Variants in GRK5 observed in about 807,000 individuals in gnomAD.
GRK5 encodes the protein g protein-coupled receptor kinase GRK5.
Under a neutral mutation model 78.4 loss-of-function variants are expected in GRK5, and 40 were observed. The observed-to-expected ratio is 0.51, with a 90% CI of 0.40 to 0.66. The LOEUF is 0.66. GRK5 is among the 30% of genes least tolerant of loss of function. The probability of loss-of-function intolerance (pLI) is 0.00; values close to 1 mark genes in which losing one functional copy is unlikely to be tolerated. For missense variants in GRK5, 598 were observed against 759.9 expected, an observed-to-expected ratio of 0.79 and a Z score of 2.50; for synonymous variants, 289 against 296.8, an observed-to-expected ratio of 0.97 and a Z score of 0.27.
At chr10:119,337,009 G>T (rs1850901204) in intron 2 of GRK5, among the ~76,000 whole-genome samples, 1 of 152,164 alleles carries the variant, frequency 6.6e-6, no homozygotes, top group Admixed American at 6.5e-5. Flanking sequence ...CTGTCCGTGG[G>T]TTTCTTGTTT....
chr10:119,398,402 G>A (rs1360163417), intron 4 of GRK5, among the ~76,000 whole-genome samples: 14 of 1,424 alleles, frequency 9.8e-3, no homozygotes, highest in Admixed American at 0.035. Flanking sequence ...GATGATTCGC[G>A]TATCCACGAG....
At chr10:119,317,236 TCCA>T (rs1291638853) in intron 1 of GRK5, among the ~76,000 whole-genome samples, 1 of 152,072 alleles carries the variant, frequency 6.6e-6, no homozygotes, top group Non-Finnish European at 1.5e-5. Flanking sequence ...GCACGGCAGG[TCCA>T]CTGCGGATCC....
At chr10:119,228,689 T>C (rs892541035) in intron 1 of GRK5, among the ~76,000 whole-genome samples, 2 of 152,010 alleles carry the variant, frequency 1.3e-5, no homozygotes, top group Non-Finnish European at 2.9e-5. Context: ...CATAACATAG[T>C]GAGCAGGGGT....
chr10:119,245,118 A>G (rs892839609), intron 1 of GRK5, among the ~76,000 whole-genome samples: 1 of 152,174 alleles, frequency 6.6e-6, no homozygotes, highest in Non-Finnish European at 1.5e-5. Flanking sequence ...TCTACTAAAA[A>G]TACAAAAAAA....
chr10:119,311,947 A>C (rs1589736988), intron 1 of GRK5, among the ~76,000 whole-genome samples: 4 of 130,108 alleles, frequency 3.1e-5, no homozygotes, highest in Non-Finnish European at 3.1e-5. Flanking sequence ...ACGGAGTCTC[A>C]CTCTGTCGCC....
chr10:119,324,866 G>A (rs1850647082), intron 1 of GRK5, among the ~76,000 whole-genome samples: 1 of 152,260 alleles, frequency 6.6e-6, no homozygotes, highest in Non-Finnish European at 1.5e-5. Flanking sequence ...TAATGTACAG[G>A]TGGAGCCTCA....
At position 119,207,673 on chromosome 10, in the gene GRK5, GA is replaced by G; in HGVS notation, c.-244del. ...GGGGGTGGGGGGGAGCGTGTTGAGG[GA>G]GGGGGGAGGGGGGACACAGAGGGAG... is the stretch of plus-strand genomic sequence containing the variant. On this transcript the variant is annotated 5_prime_UTR_variant, in exon 1 of 16. Coordinates refer to ENST00000392870, the MANE Select transcript of GRK5 (RefSeq NM_005308.3). The G allele has an allele frequency of 4.9e-6, 2 of 412,076 alleles. No homozygotes were observed. Among genetic ancestry groups the G allele is most frequent in the Non-Finnish European group, 8.3e-6 (2 of 241,688 alleles). 25.5% of individuals were successfully genotyped at this position (412,076 alleles called of 1,614,324 possible).
At chr10:119,285,376 C>T (rs1182763290) in intron 1 of GRK5, among the ~76,000 whole-genome samples, 2 of 152,300 alleles carry the variant, frequency 1.3e-5, no homozygotes, top group African/African-American at 2.4e-5. Context: ...GGGCCAGGCT[C>T]CCCAAGGCTC....
chr10:119,454,206 G>T (rs1853354409), intron 15 of GRK5, among the ~76,000 whole-genome samples: 1 of 152,182 alleles, frequency 6.6e-6, no homozygotes, highest in Admixed American at 6.5e-5. Flanking sequence ...CTCCCCTGAT[G>T]GCCAGGCATG....
chr10:119,426,844 TCAC>T (rs1445673417), intron 6 of GRK5, among the ~76,000 whole-genome samples: 1 of 151,504 alleles, frequency 6.6e-6, no homozygotes, highest in African/African-American at 2.4e-5. Flanking sequence ...ATCATCAGCA[TCAC>T]CACCATCATC....
At chr10:119,361,162 C>T (rs1021045845) in intron 2 of GRK5, among the ~76,000 whole-genome samples, 1 of 152,232 alleles carries the variant, frequency 6.6e-6, no homozygotes. Flanking sequence ...TTCTGTCCAG[C>T]AGGACCGGGC....
chr10:119,313,124 GAT>G (rs1363809889), intron 1 of GRK5, among the ~76,000 whole-genome samples: 47 of 145,524 alleles, frequency 3.2e-4, no homozygotes, highest in Non-Finnish European at 6.0e-4. Flanking sequence ...TGGTGATGGT[GAT>G]GATGGTAATG....
Position 119,271,219 on chromosome 10 carries a change from C to T in GRK5, c.53-55297C>T, listed in dbSNP as rs78670212. On this transcript the variant is annotated intron_variant, in intron 1 of 15. Coordinates refer to ENST00000392870, the MANE Select transcript of GRK5 (RefSeq NM_005308.3). The surrounding 1 kb of genome is among the most constrained non-coding windows in gnomAD (Gnocchi z 4.1). ...CACACGTGTACAGCCACATCCTCCA[C>T]GCCCTTTGGGCGCTGGTCATTCAGA... is the stretch of plus-strand genomic sequence containing the variant. Among the ~76,000 whole-genome samples the T allele has an allele frequency of 0.02, 3,044 of 152,266 alleles. 59 individuals carry two copies. The highest frequency in any genetic ancestry group is 0.052 in the Admixed American group (801 of 15,294).
chr10:119,355,887 G>A (rs1015407543), intron 2 of GRK5, among the ~76,000 whole-genome samples: 1 of 152,122 alleles, frequency 6.6e-6, no homozygotes, highest in Non-Finnish European at 1.5e-5. Flanking sequence ...TGCAGTAGAG[G>A]GAAGAAAAGG....
intron 2 of GRK5, among the ~76,000 whole-genome samples, 174 bp downstream of exon 2, chr10:119,326,785 C>A (rs11198880): frequency 0.039 from 5,922 of 152,334 alleles, 174 homozygotes; most frequent in Non-Finnish European, 0.059. Flanking sequence ...GACCTTTTTG[C>A]TAATCAACAT....
chr10:119,389,422 A>G (rs906838312), intron 3 of GRK5, among the ~76,000 whole-genome samples: 3 of 152,218 alleles, frequency 2.0e-5, no homozygotes, highest in African/African-American at 4.8e-5. Flanking sequence ...TCAGGTGCAC[A>G]TAGAGACAGT....
chr10:119,240,725 T>C (rs570847185), intron 1 of GRK5, among the ~76,000 whole-genome samples: 1 of 152,310 alleles, frequency 6.6e-6, no homozygotes, highest in Non-Finnish European at 1.5e-5. Context: ...TTCTGGACAT[T>C]AGCCCTTTGT....
chr10:119,277,452 C>T (rs771380958), intron 1 of GRK5, among the ~76,000 whole-genome samples: 4 of 150,136 alleles, frequency 2.7e-5, no homozygotes, highest in Non-Finnish European at 6.0e-5. Context: ...TCCAGGGTGC[C>T]AGTGGAGGCT....
chr10:119,427,701 CATCACCACCATCATTAGT>C (rs1450064455), intron 6 of GRK5, among the ~76,000 whole-genome samples: 1 of 134,868 alleles, frequency 7.4e-6, no homozygotes, highest in Admixed American at 7.5e-5. Flanking sequence ...CCATCAACAG[CATCACCACCATCATTAGT>C]ATCACCACCA....
Sources: allele counts gnomAD v4.1 joint callset (sites outside exome capture counted in the v4.1 genomes callset), GRCh38; gene constraint gnomAD v4.1.1; non-coding constraint Gnocchi (gnomAD v3.1); transcripts MANE v1.5; gene names NCBI Gene and HGNC (gene_info 2026-07-23, HGNC 2026-07-21).